Variants in FHIT observed in about 807,000 individuals in gnomAD.
FHIT encodes bis(5'-adenosyl)-triphosphatase.
In FHIT, 19 loss-of-function variants were observed where a neutral mutation model predicts 17.9. The ratio of observed to expected loss-of-function variants is 1.06; its 90% confidence interval spans 0.74 to 1.56. FHIT has a LOEUF of 1.56. Ranked by LOEUF, FHIT falls within the 40% of genes most tolerant of loss-of-function variation. The pLI is 0.00. For missense variants in FHIT, 248 were observed against 189.2 expected, an observed-to-expected ratio of 1.31 and a Z score of -1.82; for synonymous variants, 81 against 69.7, an observed-to-expected ratio of 1.16 and a Z score of -0.81.
At chr3:60,164,467 G>A (rs1701070782) in intron 5 of FHIT, among the ~76,000 whole-genome samples, 1 of 152,196 alleles carries the variant, frequency 6.6e-6, no homozygotes, top group African/African-American at 2.4e-5. Flanking sequence ...ACGTTTCCGT[G>A]ATGGATATTA....
At chr3:59,987,159 A>G (rs981754661) in intron 7 of FHIT, among the ~76,000 whole-genome samples, 163 of 145,304 alleles carry the variant, frequency 1.1e-3, no homozygotes, top group African/African-American at 4.0e-3. Context: ...TAATATAGAC[A>G]TAAAAATATA....
chr3:60,893,346 G>A (rs1266377052), intron 3 of FHIT, among the ~76,000 whole-genome samples: 5 of 152,038 alleles, frequency 3.3e-5, no homozygotes, highest in South Asian at 2.1e-4. Flanking sequence ...GAATGCTCTA[G>A]TGACACATAA....
intron 5 of FHIT, among the ~76,000 whole-genome samples, chr3:60,152,366 T>G (rs1700504590): frequency 6.6e-6 from 1 of 152,212 alleles, no homozygotes; most frequent in Non-Finnish European, 1.5e-5. Context: ...AAAAAATTAT[T>G]GTAGCTATTA....
chr3:60,795,007 T>G lies in FHIT; in HGVS notation c.-18+26912A>C, dbSNP rs1288182756. ...CCCAGATGCAATCATTGTAATCCGT[T>G]GCTTTTGCGTTCCTTTAGTTATGTA... is the stretch of plus-strand genomic sequence containing the variant. On this transcript the variant is annotated intron_variant, in intron 4 of 9. Coordinates refer to ENST00000492590, the MANE Select transcript of FHIT (RefSeq NM_002012.4). 5.9e-5 allele frequency among the ~76,000 whole-genome samples: 9 copies of G among 152,336 alleles called. No individual in the cohort carries two copies. The East Asian group carries it at 1.7e-3, about 29-fold the overall frequency.
intron 4 of FHIT, among the ~76,000 whole-genome samples, chr3:60,685,877 GA>G (rs1324157257): frequency 6.6e-6 from 1 of 152,046 alleles, no homozygotes; most frequent in Non-Finnish European, 1.5e-5. Flanking sequence ...ACATTAGGAG[GA>G]AAAAATTGAT....
At chr3:59,794,196 C>A (rs1023830288) in intron 8 of FHIT, among the ~76,000 whole-genome samples, 2 of 152,180 alleles carry the variant, frequency 1.3e-5, no homozygotes, top group Non-Finnish European at 2.9e-5. Context: ...CTAGAACGTA[C>A]CGTTGTCAGA....
intron 3 of FHIT, among the ~76,000 whole-genome samples, chr3:60,948,214 A>G (rs1123706): frequency 0.14 from 20,707 of 152,058 alleles, 1,717 homozygotes; most frequent in East Asian, 0.27. Flanking sequence ...GGTCTTATAT[A>G]TTAACCTTGC....
rs2106766159 is a variant in FHIT, at chr3:61,211,825, C to G, written c.-212-11160G>C. ...GAGACAAAACTTCCAGAGGAACGAT[C>G]AGACAGCAGCATTCGCGGTTCACGA... is the stretch of plus-strand genomic sequence containing the variant. On this transcript the variant is annotated intron_variant, in intron 1 of 9. Transcript: ENST00000492590. 2.0e-5 allele frequency among the ~76,000 whole-genome samples: 3 copies of G among 152,330 alleles called. 1 individual carries two copies. The South Asian group carries it at 6.2e-4, about 32-fold the overall frequency.
chr3:60,569,725 C>CTATATATATATA (rs1219009137), intron 4 of FHIT, among the ~76,000 whole-genome samples: 2 of 39,116 alleles, frequency 5.1e-5, no homozygotes, highest in Non-Finnish European at 8.8e-5. Context: ...TTTATTAATA[C>CTATATATATATA]TATATATATA....
chr3:60,779,278 T>C (rs566125333), intron 4 of FHIT, among the ~76,000 whole-genome samples: 41 of 152,284 alleles, frequency 2.7e-4, no homozygotes, highest in African/African-American at 7.7e-4. Context: ...GCTAAACTCA[T>C]TAGTTGTTTT....
At chr3:61,180,459 T>C (rs1000407793) in intron 2 of FHIT, among the ~76,000 whole-genome samples, 4 of 152,244 alleles carry the variant, frequency 2.6e-5, no homozygotes, top group African/African-American at 9.6e-5. Flanking sequence ...CTCTCAACGA[T>C]AAATTCAATA....
intron 5 of FHIT, among the ~76,000 whole-genome samples, chr3:60,426,630 C>T (rs1410296297): frequency 2.0e-5 from 3 of 152,098 alleles, no homozygotes; most frequent in Non-Finnish European, 4.4e-5. Context: ...AATCTAAATC[C>T]AACTCCCATT....
intron 8 of FHIT, among the ~76,000 whole-genome samples, chr3:59,840,262 T>C (rs1459636860): frequency 2.0e-5 from 3 of 152,104 alleles, no homozygotes; most frequent in African/African-American, 7.2e-5. Flanking sequence ...TAATGTCTTA[T>C]TTTTGTGGCC....
intron 8 of FHIT, among the ~76,000 whole-genome samples, chr3:59,902,339 T>C (rs1337975062): frequency 6.6e-6 from 1 of 152,006 alleles, no homozygotes; most frequent in Admixed American, 6.6e-5. Context: ...GGAACCCTTC[T>C]TGGTAGAAAT....
At chr3:60,567,733 C>G (rs936952724) in intron 4 of FHIT, among the ~76,000 whole-genome samples, 2 of 152,112 alleles carry the variant, frequency 1.3e-5, no homozygotes, top group Non-Finnish European at 2.9e-5. Flanking sequence ...TATCCAGAAT[C>G]TACAATGAAC....
At chr3:60,130,959 AC>A (rs1699542783) in intron 5 of FHIT, among the ~76,000 whole-genome samples, 1 of 149,314 alleles carries the variant, frequency 6.7e-6, no homozygotes, top group Non-Finnish European at 1.5e-5. Flanking sequence ...GTGACAATAA[AC>A]CAGTAGAAAG....
chr3:60,759,788 G>A (rs1205672479), intron 4 of FHIT, among the ~76,000 whole-genome samples: 1 of 152,254 alleles, frequency 6.6e-6, no homozygotes, highest in African/African-American at 2.4e-5. Flanking sequence ...TGCATTCTGA[G>A]AAGCGGTGGG....
At chr3:61,246,720 G>C (rs564353837) in intron 1 of FHIT, among the ~76,000 whole-genome samples, 1 of 151,970 alleles carries the variant, frequency 6.6e-6, no homozygotes, top group African/African-American at 2.4e-5. Context: ...AGGGGAGGGA[G>C]AGCATTAGGA....
At chr3:60,637,222 C>T (rs1175537537) in intron 4 of FHIT, among the ~76,000 whole-genome samples, 1 of 152,112 alleles carries the variant, frequency 6.6e-6, no homozygotes, top group Admixed American at 6.5e-5. Context: ...TTGATAGCAC[C>T]ACTTTGAAGC....
Sources: allele counts gnomAD v4.1 joint callset (sites outside exome capture counted in the v4.1 genomes callset), GRCh38; gene constraint gnomAD v4.1.1; transcripts MANE v1.5; gene names NCBI Gene and HGNC (gene_info 2026-07-23, HGNC 2026-07-21).